SEPTIN9: variants seen among roughly 807,000 people sequenced by gnomAD.
SEPTIN9 encodes septin-9.
In SEPTIN9, 13 loss-of-function variants were observed where a neutral mutation model predicts 56.6. The observed-to-expected ratio is 0.23, with a 90% CI of 0.15 to 0.37. SEPTIN9 has a LOEUF of 0.37. SEPTIN9 is among the 10% of genes least tolerant of loss of function. The pLI is 1.00. For synonymous variants in SEPTIN9, 332 were observed against 334.1 expected, an observed-to-expected ratio of 0.99 and a Z score of 0.07; for missense variants, 650 against 823.1, an observed-to-expected ratio of 0.79 and a Z score of 2.57.
At chr17:77,441,092 C>T (rs2037531746) in intron 3 of SEPTIN9, among the ~76,000 whole-genome samples, 2 of 152,172 alleles carry the variant, frequency 1.3e-5, no homozygotes, top group African/African-American at 4.8e-5. Flanking sequence ...GTGTGCTGGG[C>T]TCCTGGTTCT....
chr17:77,454,223 C>T (rs934875533), intron 3 of SEPTIN9: 7 of 985,416 alleles, frequency 7.1e-6, no homozygotes, highest in Non-Finnish European at 8.4e-6. Flanking sequence ...CCTGGAGGCT[C>T]CCAGCGTCCC....
chr17:77,338,789 C>T (rs948825960), intron 2 of SEPTIN9, among the ~76,000 whole-genome samples: 2 of 152,168 alleles, frequency 1.3e-5, no homozygotes, highest in Non-Finnish European at 2.9e-5. Flanking sequence ...CTGTGGCACG[C>T]ATTATGTTTG....
At chr17:77,324,411 C>T (rs1480541280) in intron 2 of SEPTIN9, among the ~76,000 whole-genome samples, 1 of 152,140 alleles carries the variant, frequency 6.6e-6, no homozygotes, top group Non-Finnish European at 1.5e-5. Flanking sequence ...TTTGGGGTGG[C>T]CTTTGGCCTT....
chr17:77,488,212 C>T (rs764781946), intron 5 of SEPTIN9, 28 bp from the exon 6 acceptor site: 2 of 1,611,076 alleles, frequency 1.2e-6, no homozygotes, highest in Non-Finnish European at 1.7e-6. Flanking sequence ...CGTCTCCCCT[C>T]TGACTCTGCG....
intron 4 of SEPTIN9, among the ~76,000 whole-genome samples, chr17:77,486,615 TGTG>T (rs1197054239): frequency 1.3e-5 from 2 of 151,662 alleles, no homozygotes; most frequent in African/African-American, 4.9e-5. Context: ...TGAGGTGAGT[TGTG>T]TGTGTGTTGT....
At chr17:77,479,105 G>A (rs2039342180) in intron 3 of SEPTIN9, among the ~76,000 whole-genome samples, 1 of 152,232 alleles carries the variant, frequency 6.6e-6, no homozygotes, top group Non-Finnish European at 1.5e-5. Context: ...ACAACAATGC[G>A]AATGTACTTA....
At chr17:77,381,811 AG>A (rs2035154451) in intron 2 of SEPTIN9, among the ~76,000 whole-genome samples, 1 of 152,166 alleles carries the variant, frequency 6.6e-6, no homozygotes, top group Non-Finnish European at 1.5e-5. Context: ...TGGGAGAGGC[AG>A]TTGGCTTATT....
Position 77,499,494 on chromosome 17 carries a change from C to A in SEPTIN9, c.*836C>A. 2.0e-6 allele frequency: 1 copy of A among 494,058 alleles called. No homozygotes were observed. Among genetic ancestry groups the A allele is most frequent in the Non-Finnish European group, 3.9e-6 (1 of 254,142 alleles). The allele number at this position is 494,058 out of a possible 1,614,324, so 30.6% of individuals were successfully genotyped here. A position where few individuals can be genotyped will look rare whatever the true frequency, so the allele number is the denominator to read the frequency against. On this transcript the variant is annotated 3_prime_UTR_variant, in exon 12 of 12. Transcript: ENST00000427177. Reference sequence around the variant, plus strand: ...CCTCATCCCCCAGTTTTGAAAAGGTCTAAGCAAGTGAGTCTGGTGGAGGAG... The same window carrying A: ...CCTCATCCCCCAGTTTTGAAAAGGTATAAGCAAGTGAGTCTGGTGGAGGAG...
intron 2 of SEPTIN9, among the ~76,000 whole-genome samples, chr17:77,388,810 C>CTTTTTTTTTTTGTTT (rs2035430251): frequency 1.3e-5 from 1 of 78,052 alleles, no homozygotes; most frequent in Non-Finnish European, 2.2e-5. Flanking sequence ...GTGTTAGGCG[C>CTTTTTTTTTTTGTTT]TTTTTTTTTT....
At chr17:77,388,732 C>T (rs993547804) in intron 2 of SEPTIN9, among the ~76,000 whole-genome samples, 5 of 151,566 alleles carry the variant, frequency 3.3e-5, no homozygotes, top group African/African-American at 9.7e-5. Flanking sequence ...ATCGGCTGCC[C>T]GCCTTGGGGC....
chr17:77,308,202 A>G (rs1183324544), intron 2 of SEPTIN9, among the ~76,000 whole-genome samples: 1 of 152,236 alleles, frequency 6.6e-6, no homozygotes, highest in Non-Finnish European at 1.5e-5. Context: ...CCTGGCTGCC[A>G]TCATGGTGGC....
intron 3 of SEPTIN9, chr17:77,444,980 C>G (rs1045286890): frequency 1.4e-5 from 5 of 368,284 alleles, no homozygotes; most frequent in Non-Finnish European, 2.3e-5. Flanking sequence ...TCTCCCAGGC[C>G]AAGTGAGAAG....
At chr17:77,341,214 T>C (rs1309049122) in intron 2 of SEPTIN9, among the ~76,000 whole-genome samples, 2 of 152,224 alleles carry the variant, frequency 1.3e-5, no homozygotes, top group Non-Finnish European at 2.9e-5. Flanking sequence ...CTCACTCAGC[T>C]TAATCATTTC....
intron 3 of SEPTIN9, among the ~76,000 whole-genome samples, chr17:77,457,990 G>A (rs942759860): frequency 6.6e-6 from 1 of 152,192 alleles, no homozygotes; most frequent in East Asian, 1.9e-4. Context: ...GCTAGAGCCT[G>A]TGCCCCCACA....
chr17:77,311,756 G>A (rs1030829363), intron 2 of SEPTIN9, among the ~76,000 whole-genome samples: 5 of 152,184 alleles, frequency 3.3e-5, no homozygotes, highest in Admixed American at 2.6e-4. Context: ...TGCTCAAAGT[G>A]TGTCGGACGA....
At chr17:77,424,982 A>G (rs74642797) in intron 3 of SEPTIN9, among the ~76,000 whole-genome samples, 186 of 152,302 alleles carry the variant, frequency 1.2e-3, no homozygotes, top group African/African-American at 4.2e-3. Context: ...AATTCCCATC[A>G]GTAGGGTGAG....
chr17:77,360,634 C>G (rs140619547), intron 2 of SEPTIN9, among the ~76,000 whole-genome samples: 1 of 151,802 alleles, frequency 6.6e-6, no homozygotes, highest in African/African-American at 2.4e-5. Flanking sequence ...ATGCGATCTC[C>G]GCTCACTGCA....
chr17:77,359,418 G>A (rs538247901), intron 2 of SEPTIN9, among the ~76,000 whole-genome samples: 4 of 152,320 alleles, frequency 2.6e-5, no homozygotes, highest in African/African-American at 4.8e-5. Flanking sequence ...CAAGAAAAAC[G>A]TCTTCCAATC....
rs374079708 is a variant in SEPTIN9 at position 77,383,304 on chromosome 17, C to G, written c.77-18755C>G. ...GCTTCTCCTTGTTATTTTTCATAACCATTTCCTTTAATTGAGCACCTCCTA... is the reference window on the plus strand; with the variant it reads ...GCTTCTCCTTGTTATTTTTCATAACGATTTCCTTTAATTGAGCACCTCCTA... On this transcript the variant is annotated intron_variant, in intron 2 of 11. Transcript: ENST00000427177. Among the ~76,000 whole-genome samples the G allele has an allele frequency of 1.1e-4, 16 of 152,222 alleles. No individual in the cohort carries two copies. The South Asian group carries it at 3.3e-3, about 32-fold the overall frequency.
Sources: gnomAD v4.1 joint callset for allele counts (sites outside exome capture counted in the v4.1 genomes callset) on GRCh38, gnomAD v4.1.1 for gene constraint, MANE v1.5 for transcripts, NCBI Gene and HGNC (gene_info 2026-07-23, HGNC 2026-07-21) for gene names.